DUOX2: variants seen among roughly 807,000 people sequenced by gnomAD.
The protein encoded by DUOX2 is NADH/NADPH thyroid oxidase p138-tox.
A neutral mutation model predicts 183.3 loss-of-function variants in DUOX2; 185 were observed. The ratio of observed to expected loss-of-function variants is 1.01; its 90% CI spans 0.90 to 1.14. The LOEUF is 1.14. Among genes scored for constraint, DUOX2 ranks in the 50% most tolerant of loss-of-function variants. DUOX2 has a pLI of 0.00. For synonymous variants in DUOX2, 788 were observed against 812.4 expected (o/e 0.97, Z 0.51); for missense variants, 1,999 against 2,022.9 (o/e 0.99, Z 0.23).
At position 45,108,082 on chromosome 15, in the gene DUOX2, A is replaced by G; in HGVS notation, c.1539T>C (p.Asp513=). ...TGTTCTCAAACCAGTAGCGGTCACC[A>G]TCCCGCAGCCGTACAAACTGGTCGA... ...IVLDQFVRLR[D]GDRYWFENTR... is the part of the protein sequence containing the mutation. Residue 513 remains aspartate, a synonymous_variant, in exon 13 of 34, where the codon GAT becomes GAC. Coordinates refer to ENST00000389039, the MANE Select transcript of DUOX2 (RefSeq NM_001363711.2). 6.2e-7 allele frequency: 1 copy of G among 1,614,074 alleles called. No individual in the cohort carries two copies. Among genetic ancestry groups the G allele is most frequent in the Non-Finnish European group, 8.5e-7 (1 of 1,180,000 alleles).
chr15:45,094,650 A>C lies in DUOX2; in HGVS notation c.4437T>G (p.Ser1479Arg), dbSNP rs1391777846. 8.1e-6 allele frequency: 13 copies of C among 1,613,764 alleles called. No homozygotes were observed. Among genetic ancestry groups the C allele is most frequent in the Non-Finnish European group, 1.1e-5 (13 of 1,179,940 alleles). ...ERHFQKVLNR[S>R]LFTGLRSITH... ...TGATGGAGCGCAGGCCCGTGAACAG[A>C]CTCCGGTTCAGCACTTTCTGGAAGT... The change falls in exon 33 of 34, where the codon AGT (serine) becomes AGG (arginine). Residue 1479 changes from serine (S) to arginine (R), a missense_variant. By Grantham distance (110) the Ser-to-Arg change is moderately radical. Coordinates refer to ENST00000389039, the MANE Select transcript of DUOX2 (RefSeq NM_001363711.2).
chr15:45,099,315 AT>A, intron 26 of DUOX2, 67 bp downstream of exon 26: 1 of 1,467,452 alleles, frequency 6.8e-7, no homozygotes. Context: ...CGGCCTGCCT[AT>A]TTCTTTTTCT....
rs2141151333 is a variant in DUOX2 at position 45,106,288 on chromosome 15, A to G, written c.1985T>C (p.Ile662Thr). 1 of 1,614,078 alleles carries G rather than the reference A, an allele frequency of 6.2e-7. No homozygotes were observed. The highest frequency in any genetic ancestry group is 8.5e-7 in the Non-Finnish European group (1 of 1,180,014). ...CCTGTCTGACAGCAGCTGGATGATGATGGGACTGCTCCTCTCCTTGGGGCC... is the reference window on the plus strand; with the variant it reads ...CCTGTCTGACAGCAGCTGGATGATGGTGGGACTGCTCCTCTCCTTGGGGCC... ...WPGPKERSSPIIIQLLSDRCL... is the reference protein window; with the variant it reads ...WPGPKERSSPTIIQLLSDRCL... Residue 662 changes from isoleucine (I) to threonine (T), a missense_variant, in exon 17 of 34, where the codon ATC (isoleucine) becomes ACC (threonine). Physicochemically the swap from Ile to Thr is moderately conservative, Grantham distance 89. Coordinates refer to ENST00000389039, the MANE Select transcript of DUOX2 (RefSeq NM_001363711.2).
Position 45,094,710 on chromosome 15 carries a change from G to A in DUOX2, c.4396-19C>T. Reference sequence around the variant, plus strand: ...AGATGTACTGGGGGCACAGGGGCAGGTCAGACCAAAGACAGTCAGGGCCAG... The same window carrying A: ...AGATGTACTGGGGGCACAGGGGCAGATCAGACCAAAGACAGTCAGGGCCAG... On this transcript the variant is annotated intron_variant, in intron 32 of 33. Transcript: ENST00000389039. 1 of 1,613,670 alleles carries A rather than the reference G, an allele frequency of 6.2e-7. No homozygotes were observed. The highest frequency in any genetic ancestry group is 8.5e-7 in the Non-Finnish European group (1 of 1,179,828).
At position 45,106,512 on chromosome 15, in the gene DUOX2, C is replaced by G; in HGVS notation, c.1945+16G>C. The G allele has an allele frequency of 6.2e-7, 1 of 1,613,290 alleles. No individual in the cohort carries two copies. The highest frequency in any genetic ancestry group is 8.5e-7 in the Non-Finnish European group (1 of 1,179,340). ...TCCTCCGTCCCTCCTCCCTCCTCTG[C>G]CCAGCCCCTGCTCACCTGGCACTCC... is the stretch of plus-strand genomic sequence containing the variant. On this transcript the variant is annotated intron_variant, in intron 16 of 33. Coordinates refer to ENST00000389039, the MANE Select transcript of DUOX2 (RefSeq NM_001363711.2).
Position 45,104,056 on chromosome 15 carries a change from GGGA to G in DUOX2, c.2561-6_2561-4del, listed in dbSNP as rs750215022. 5 of 1,613,940 alleles carry G rather than the reference GGGA, an allele frequency of 3.1e-6. No individual in the cohort carries two copies. In the East Asian group the frequency reaches 8.9e-5, roughly 29 times the overall value. On this transcript the variant is annotated splice_region_variant and splice_polypyrimidine_tract_variant and intron_variant, in intron 19 of 33. Coordinates refer to ENST00000389039, the MANE Select transcript of DUOX2 (RefSeq NM_001363711.2). The stretch of plus-strand genomic sequence containing the variant: ...ACGGGACTTATCCTCTGGGGAGCCT[GGGA>G]AGAAAAAAGGGAATGCAGGTCATCT...
At chr15:45,104,673 G>A (rs1894169633) in intron 18 of DUOX2, among the ~76,000 whole-genome samples, 1 of 152,216 alleles carries the variant, frequency 6.6e-6, no homozygotes, top group Admixed American at 6.5e-5. Flanking sequence ...AGCCTATACT[G>A]GGGACAGAAG....
rs1265142998 is a variant in DUOX2, at chr15:45,094,161, C to T, written c.4636G>A (p.Glu1546Lys). Residue 1546 changes from glutamate (E) to lysine (K), a missense_variant, in exon 34 of 34, where the codon GAG (glutamate) becomes AAG (lysine). This residue lies in a region of DUOX2 where 1,628 missense variants were observed against 1,608.6 expected (regional missense o/e 1.01). Transcript: ENST00000389039. Reference protein sequence around the residue: ...QDRAHFMHHYENF With the variant: ...QDRAHFMHHYKNF ...CAGGGAGGACAGGCTCAGAAGTTCT[C>T]ATAGTGGTGCATGAAGTGGGCTCGG... 2 of 1,614,104 alleles carry T rather than the reference C, an allele frequency of 1.2e-6. No homozygotes were observed. Among genetic ancestry groups the T allele is most frequent in the South Asian group, 1.1e-5 (1 of 91,072 alleles).
chr15:45,110,519 G>T lies in DUOX2; in HGVS notation c.949C>A (p.Arg317Ser). Residue 317 changes from arginine to serine, a missense_variant, in exon 9 of 34, where the codon CGT becomes AGT. Arg to Ser is a moderately radical substitution (Grantham distance 110). Around this residue, in one of 3 missense-constraint regions of DUOX2, gnomAD observed 1,628 missense variants for 1,608.6 expected, o/e 1.01. Transcript: ENST00000389039. Reference protein sequence around the residue: ...QKTLPEYTGYRPFLDPSISPE... With the variant: ...QKTLPEYTGYSPFLDPSISPE... ...GAGATGCTGGGGTCTAGGAAAGGAC[G>T]GTATCCTGCAGGAAGGAGACGGTGA... The T allele has an allele frequency of 6.2e-7, 1 of 1,614,110 alleles. No individual in the cohort carries two copies. The highest frequency in any genetic ancestry group is 8.5e-7 in the Non-Finnish European group (1 of 1,180,014).
Position 45,093,816 on chromosome 15 carries a change from TG to T in DUOX2, c.*333del. 3.0e-6 allele frequency: 1 copy of T among 338,584 alleles called. No individual in the cohort carries two copies. The highest frequency in any genetic ancestry group is 6.8e-5 in the East Asian group (1 of 14,808). 21.0% of individuals were successfully genotyped at this position (338,584 alleles called of 1,614,324 possible). ...TTGCCACGCCTGCCATGGCTTGAGC[TG>T]GGGTGAGGAGTGGTCTTTATCTTCT... On this transcript the variant is annotated 3_prime_UTR_variant, in exon 34 of 34. Coordinates refer to ENST00000389039, the MANE Select transcript of DUOX2 (RefSeq NM_001363711.2).
At chr15:45,103,435 A>G (rs1336058504) in intron 20 of DUOX2, among the ~76,000 whole-genome samples, 1 of 152,182 alleles carries the variant, frequency 6.6e-6, no homozygotes, top group Non-Finnish European at 1.5e-5. Flanking sequence ...AGGAATGAGA[A>G]GCACAAAGCT....
chr15:45,101,648 T>G (rs1162253541), intron 21 of DUOX2, 145 bp downstream of exon 21: 1 of 1,036,292 alleles, frequency 9.6e-7, no homozygotes, highest in Non-Finnish European at 1.5e-6. Flanking sequence ...CACACCTACA[T>G]GTGCCATCCC....
chr15:45,097,094 C>G (rs1893923180), intron 29 of DUOX2, 144 bp downstream of exon 29: 70 of 1,236,764 alleles, frequency 5.7e-5, no homozygotes, highest in Non-Finnish European at 7.9e-5. Flanking sequence ...CTTCAGGAAC[C>G]CCCGAGAGTG....
At position 45,110,492 on chromosome 15, in the gene DUOX2, G is replaced by T. The variant is rs1270065963; in HGVS notation, c.976C>A (p.Pro326Thr). 4 of 1,614,038 alleles carry T rather than the reference G, an allele frequency of 2.5e-6. No individual in the cohort carries two copies. The highest frequency in any genetic ancestry group is 3.4e-6 in the Non-Finnish European group (4 of 1,180,042). Residue 326 changes from proline (P) to threonine (T), a missense_variant, in exon 9 of 34, where the codon CCG (proline) becomes ACG (threonine). Around this residue, in one of 3 missense-constraint regions of DUOX2, gnomAD observed 1,628 missense variants for 1,608.6 expected, o/e 1.01. Coordinates refer to ENST00000389039, the MANE Select transcript of DUOX2 (RefSeq NM_001363711.2). ...YRPFLDPSIS[P>T]EFVVASEQFF... Reference sequence around the variant, plus strand: ...TGCTCAGAGGCCACCACAAATTCCGGGGAGATGCTGGGGTCTAGGAAAGGA... The same window carrying T: ...TGCTCAGAGGCCACCACAAATTCCGTGGAGATGCTGGGGTCTAGGAAAGGA...
At chr15:45,107,589 A>T in intron 13 of DUOX2, 126 bp from the exon 14 acceptor site, 1 of 1,018,876 alleles carries the variant, frequency 9.8e-7, no homozygotes. Flanking sequence ...CATGCCTGTA[A>T]TCCCAACACT....
rs1894300428 is a variant in DUOX2 at position 45,108,833 on chromosome 15, T to C, written c.1354A>G (p.Ile452Val). 2 of 1,614,238 alleles carry C rather than the reference T, an allele frequency of 1.2e-6. No homozygotes were observed. Among genetic ancestry groups the C allele is most frequent in the Non-Finnish European group, 8.5e-7 (1 of 1,180,038 alleles). Residue 452 changes from isoleucine (I) to valine (V), a missense_variant, in exon 12 of 34, where the codon ATC becomes GTC. By Grantham distance (29) the Ile-to-Val change is conservative. Coordinates refer to ENST00000389039, the MANE Select transcript of DUOX2 (RefSeq NM_001363711.2). ...SQALLAFGLD[I>V]PRNWSDLNPN... is the part of the protein sequence containing the mutation. ...TTGAGATCACTCCAGTTCCTTGGGA[T>C]GTCCAGCCCAAAGGCCAGCAGGGCC...
chr15:45,094,309 C>T lies in DUOX2; in HGVS notation c.4525-37G>A, dbSNP rs775458663. 4.3e-6 allele frequency: 7 copies of T among 1,613,708 alleles called. No individual in the cohort carries two copies. The African/African-American group carries it at 8.0e-5, about 18-fold the overall frequency. On this transcript the variant is annotated intron_variant, in intron 33 of 33. Coordinates refer to ENST00000389039, the MANE Select transcript of DUOX2 (RefSeq NM_001363711.2). Reference sequence around the variant, plus strand: ...TTGGAGAGAGAGAGGGGCCTGCAGCCTAAAGGTGCTCACTCTCCTTGGGAA... The same window carrying T: ...TTGGAGAGAGAGAGGGGCCTGCAGCTTAAAGGTGCTCACTCTCCTTGGGAA...
chr15:45,111,611 C>T (rs1241536352), intron 5 of DUOX2, 26 bp from the exon 6 acceptor site: 6 of 1,512,606 alleles, frequency 4.0e-6, no homozygotes, highest in Non-Finnish European at 4.4e-6. Context: ...CGGGTGAGCC[C>T]GGGTCGAGAG....
chr15:45,105,736 A>C lies in DUOX2; in HGVS notation c.2241T>G (p.Ala747=). 1.2e-6 allele frequency: 2 copies of C among 1,614,202 alleles called. No homozygotes were observed. Among genetic ancestry groups the C allele is most frequent in the Non-Finnish European group, 1.7e-6 (2 of 1,180,018 alleles). Residue 747 remains alanine (A), a synonymous_variant, in exon 18 of 34, where the codon GCT becomes GCG. Coordinates refer to ENST00000389039, the MANE Select transcript of DUOX2 (RefSeq NM_001363711.2). ...TAAATAGCTCCTTCTCGCTCATCTC[A>C]GCCACATGGAGGCCCAGAGCCCAGC... The part of the protein sequence containing the change: ...CVRWALGLHV[A]EMSEKELFRK...
Sources: gnomAD v4.1 joint callset for allele counts (sites outside exome capture counted in the v4.1 genomes callset) on GRCh38, gnomAD v4.1.1 for gene constraint, gnomAD v4.1.1 regional missense constraint, MANE v1.5 for transcripts, NCBI Gene and HGNC (gene_info 2026-07-23, HGNC 2026-07-21) for gene names.